GPC1: variants seen among roughly 807,000 people sequenced by gnomAD.
GPC1 encodes glypican 1.
GPC1 carries 26 observed loss-of-function variants against 51.5 expected under a neutral mutation model. The ratio of observed to expected loss-of-function variants is 0.50; its 90% confidence interval spans 0.37 to 0.70. GPC1 has a LOEUF of 0.70. Ranked by LOEUF, GPC1 falls within the 30% of genes least tolerant of loss-of-function variation. The probability of loss-of-function intolerance (pLI) is 0.00; values close to 1 mark genes in which losing one functional copy is unlikely to be tolerated. For synonymous variants in GPC1, 380 were observed against 348.3 expected, an observed-to-expected ratio of 1.09 and a Z score of -1.01; for missense variants, 775 against 800.5, an observed-to-expected ratio of 0.97 and a Z score of 0.38.
rs1574782639 is a variant in GPC1, at chr2:240,466,551, C to G, written c.*261C>G. 1 of 498,568 alleles carries G rather than the reference C, an allele frequency of 2.0e-6. No individual in the cohort carries two copies. The highest frequency in any genetic ancestry group is 3.3e-5 in the East Asian group (1 of 30,588). The allele number at this position is 498,568 out of a possible 1,614,324, so 30.9% of individuals were successfully genotyped here. On this transcript the variant is annotated 3_prime_UTR_variant, in exon 9 of 9. Coordinates refer to ENST00000264039, the MANE Select transcript of GPC1 (RefSeq NM_002081.3). ...ATGTATTTCAGGGACCTCAGGGGCA[C>G]CTCCGGCTGCCTAGCCCTCCCCCCA...
At chr2:240,456,640 C>G (rs2074167299) in intron 1 of GPC1, 1 of 470,766 alleles carries the variant, frequency 2.1e-6, no homozygotes, top group Non-Finnish European at 4.4e-6. Flanking sequence ...TCTGGGCAGC[C>G]TGGATGGGTG....
intron 1 of GPC1, among the ~76,000 whole-genome samples, chr2:240,441,902 C>T (rs1467307576): frequency 6.6e-6 from 1 of 152,210 alleles, no homozygotes; most frequent in African/African-American, 2.4e-5. Flanking sequence ...GAGCTGCAGC[C>T]TCCTTGGCTG....
intron 1 of GPC1, chr2:240,453,010 C>T (rs752712944): frequency 2.3e-5 from 8 of 354,306 alleles, no homozygotes; most frequent in South Asian, 1.5e-4. Flanking sequence ...GCTGGAGCCG[C>T]CGCTGCGAAG....
At chr2:240,442,944 C>T (rs1012565582) in intron 1 of GPC1, among the ~76,000 whole-genome samples, 2 of 152,378 alleles carry the variant, frequency 1.3e-5, no homozygotes, top group South Asian at 2.1e-4. Flanking sequence ...CTGAGGCGCT[C>T]TCTGGGCACA....
chr2:240,464,734 G>T lies in GPC1; in HGVS notation c.1002G>T (p.Thr334=). 6.2e-7 allele frequency: 1 copy of T among 1,608,930 alleles called. No individual in the cohort carries two copies. Among genetic ancestry groups the T allele is most frequent in the South Asian group, 1.1e-5 (1 of 90,374 alleles). The change falls in exon 5 of 9, where the codon ACG becomes ACT. Residue 334 remains threonine, a synonymous_variant. Transcript: ENST00000264039. ...ACGCCCTCCAGGACAACAGGGACAC[G>T]CTCACGGCCAAGGTGCGGGCAGGAG... ...AINALQDNRD[T]LTAKVIQGCG...
intron 1 of GPC1, chr2:240,458,725 G>T: frequency 2.7e-6 from 1 of 366,660 alleles, no homozygotes; most frequent in Non-Finnish European, 5.0e-6. Flanking sequence ...CCTGAGGCCA[G>T]TTCTTTGCTT....
At chr2:240,454,577 G>C (rs75749750) in intron 1 of GPC1, among the ~76,000 whole-genome samples, 1 of 152,234 alleles carries the variant, frequency 6.6e-6, no homozygotes, top group East Asian at 1.9e-4. Context: ...TTGCGTGTTG[G>C]GGGGCTGCGG....
chr2:240,446,948 G>C (rs963922110), intron 1 of GPC1, among the ~76,000 whole-genome samples: 1 of 152,176 alleles, frequency 6.6e-6, no homozygotes. Flanking sequence ...GTGGACTGGT[G>C]CCCCGAGCCC....
chr2:240,464,798 G>T (rs994827741), intron 5 of GPC1, 52 bp downstream of exon 5: 3 of 1,571,686 alleles, frequency 1.9e-6, no homozygotes, highest in Middle Eastern at 1.7e-4. Context: ...CCTGGATGTG[G>T]CCCCATTGGG....
intron 1 of GPC1, among the ~76,000 whole-genome samples, chr2:240,439,361 C>T (rs1366355101): frequency 6.6e-6 from 1 of 152,124 alleles, no homozygotes; most frequent in Non-Finnish European, 1.5e-5. Context: ...GTCTCCCAGC[C>T]TGAGGCAGAG....
At chr2:240,446,963 A>G (rs1327000916) in intron 1 of GPC1, among the ~76,000 whole-genome samples, 2 of 152,146 alleles carry the variant, frequency 1.3e-5, no homozygotes, top group Middle Eastern at 3.2e-3. Context: ...GAGCCCGAGC[A>G]TCTCATCCAT....
intron 6 of GPC1, 36 bp from the exon 7 acceptor site, chr2:240,465,041 C>T (rs1329481318): frequency 1.3e-6 from 2 of 1,581,004 alleles, no homozygotes; most frequent in Admixed American, 1.8e-5. Flanking sequence ...GGCGGGCGGG[C>T]CCTGGCAGCC....
chr2:240,465,447 C>G (rs773028236), intron 7 of GPC1, 26 bp from the exon 8 acceptor site: 1 of 1,609,602 alleles, frequency 6.2e-7, no homozygotes, highest in Admixed American at 1.7e-5. Context: ...GAGCAGTGAC[C>G]TGGGCTCTGC....
rs146359832 is a variant in GPC1 at position 240,463,132 on chromosome 2, T to C, written c.718-215T>C. 4.1e-3 allele frequency among the ~76,000 whole-genome samples: 630 copies of C among 152,112 alleles called. 1 individual carries two copies. The highest frequency in any genetic ancestry group is 0.013 in the African/African-American group (559 of 41,534). ...CTCAGCGGCATGCGGGTGAGGATAT[T>C]CTTGCCTCCCTGTGACCCTCGAGAT... On this transcript the variant is annotated intron_variant, in intron 3 of 8. Transcript: ENST00000264039.
intron 1 of GPC1, among the ~76,000 whole-genome samples, chr2:240,444,496 C>G (rs923128647): frequency 2.6e-5 from 4 of 152,206 alleles, no homozygotes; most frequent in African/African-American, 9.6e-5. Context: ...AGGCCCAGAA[C>G]AGCACGTCTC....
intron 2 of GPC1, among the ~76,000 whole-genome samples, chr2:240,460,878 G>A (rs2074209630): frequency 6.6e-6 from 1 of 152,134 alleles, no homozygotes; most frequent in South Asian, 2.1e-4. Flanking sequence ...GCAGCTGAGG[G>A]CCCCTGGGTC....
At chr2:240,453,589 C>A (rs1281031645) in intron 1 of GPC1, among the ~76,000 whole-genome samples, 1 of 133,684 alleles carries the variant, frequency 7.5e-6, no homozygotes, top group African/African-American at 2.8e-5. Context: ...CAAGCCCCTT[C>A]CCCGCCAATC....
At position 240,435,966 on chromosome 2, in the gene GPC1, G is replaced by C. The variant is rs1436441852; in HGVS notation, c.48G>C (p.Ala16=). The C allele has an allele frequency of 7.5e-7, 1 of 1,338,430 alleles. No individual in the cohort carries two copies. Among genetic ancestry groups the C allele is most frequent in the South Asian group, 1.9e-5 (1 of 52,076 alleles). The allele number at this position is 1,338,430 out of a possible 1,614,324, so 82.9% of individuals were successfully genotyped here. A position where few individuals can be genotyped will look rare whatever the true frequency, so the allele number is the denominator to read the frequency against. The change falls in exon 1 of 9, where the codon GCG becomes GCC. Residue 16 remains alanine (A), a synonymous_variant. Coordinates refer to ENST00000264039, the MANE Select transcript of GPC1 (RefSeq NM_002081.3). ...RGWWLLCAAA[A]LVACARGDPA... ...GGTGGCTGCTATGTGCGGCCGCAGC[G>C]CTGGTCGCCTGCGCCCGCGGGGACC... is the stretch of plus-strand genomic sequence containing the variant.
At chr2:240,441,328 AG>A (rs918202379) in intron 1 of GPC1, among the ~76,000 whole-genome samples, 3 of 152,212 alleles carry the variant, frequency 2.0e-5, no homozygotes, top group African/African-American at 7.2e-5. Flanking sequence ...GAGCCAGGGG[AG>A]GGGCTCACCC....
Sources: allele counts gnomAD v4.1 joint callset (sites outside exome capture counted in the v4.1 genomes callset), GRCh38; gene constraint gnomAD v4.1.1; transcripts MANE v1.5; gene names NCBI Gene and HGNC (gene_info 2026-07-23, HGNC 2026-07-21).